NRXN1: variants seen among roughly 807,000 people sequenced by gnomAD.
The protein encoded by NRXN1 is neurexin 1, also known as neurexin-1.
A neutral mutation model predicts 150.9 loss-of-function variants in NRXN1; 39 were observed. The observed-to-expected ratio is 0.26, with a 90% confidence interval of 0.20 to 0.34. The LOEUF (loss-of-function observed/expected upper bound fraction) is 0.34, where lower values mean the gene tolerates loss of function less well. NRXN1 is among the 10% of genes least tolerant of loss of function. The pLI is 1.00. For synonymous variants in NRXN1, 924 were observed against 757.0 expected (o/e 1.22, Z -3.62); for missense variants, 1,815 against 1,949.9 (o/e 0.93, Z 1.30).
intron 5 of NRXN1, among the ~76,000 whole-genome samples, chr2:50,629,623 A>C (rs557396386): frequency 6.6e-6 from 1 of 151,788 alleles, no homozygotes; most frequent in South Asian, 2.1e-4. Flanking sequence ...TTTCAATAAA[A>C]TGTTTGAATA....
At chr2:50,706,813 T>C (rs1243059857) in intron 5 of NRXN1, among the ~76,000 whole-genome samples, 1 of 150,018 alleles carries the variant, frequency 6.7e-6, no homozygotes, top group Non-Finnish European at 1.5e-5. Flanking sequence ...TATTTGGATT[T>C]TTTTTTTTTT....
intron 5 of NRXN1, among the ~76,000 whole-genome samples, chr2:50,900,598 C>T (rs1043227101): frequency 6.6e-5 from 10 of 152,062 alleles, no homozygotes. Flanking sequence ...ATGAACAGAC[C>T]TACTTGTCAG....
intron 5 of NRXN1, among the ~76,000 whole-genome samples, chr2:50,729,857 T>G (rs1293633683): frequency 3.3e-5 from 5 of 152,342 alleles, no homozygotes; most frequent in Admixed American, 3.3e-4. Flanking sequence ...TCAAAATTTC[T>G]GTTGTTCTCT....
At chr2:50,683,646 A>AAAAAAAAAAAAAATATATATATAT in intron 5 of NRXN1, among the ~76,000 whole-genome samples, 25 of 14,888 alleles carry the variant, frequency 1.7e-3, no homozygotes, top group Admixed American at 7.6e-3. Context: ...AAAAAAAAAA[A>AAAAAAAAAAAAAATATATATATAT]ATATATATAT....
intron 12 of NRXN1, among the ~76,000 whole-genome samples, chr2:50,516,021 G>T (rs1362848523): frequency 6.6e-6 from 1 of 152,062 alleles, no homozygotes; most frequent in Non-Finnish European, 1.5e-5. Context: ...CCTCATTACA[G>T]GTTTCTATTT....
chr2:50,360,416 T>G (rs979441234), intron 17 of NRXN1, among the ~76,000 whole-genome samples: 3 of 152,008 alleles, frequency 2.0e-5, no homozygotes, highest in Non-Finnish European at 4.4e-5. Flanking sequence ...GGAGGAAGAT[T>G]TACCAAGCAA....
chr2:49,974,065 T>C, intron 21 of NRXN1: 1 of 717,308 alleles, frequency 1.4e-6, no homozygotes, highest in Middle Eastern at 2.3e-4. Flanking sequence ...TCCTAGGAAA[T>C]TTAGTCCATC....
chr2:50,257,178 G>A (rs1441187445), intron 17 of NRXN1, among the ~76,000 whole-genome samples: 2 of 152,014 alleles, frequency 1.3e-5, no homozygotes, highest in East Asian at 3.8e-4. Context: ...TGGTCACAAA[G>A]TAATGTAAAA....
chr2:50,272,234 G>C (rs1432032746), intron 17 of NRXN1, among the ~76,000 whole-genome samples: 1 of 152,166 alleles, frequency 6.6e-6, no homozygotes, highest in Non-Finnish European at 1.5e-5. Context: ...CAACCAAAGA[G>C]AAGTACATTC....
At chr2:50,897,405 T>G (rs1236053472) in intron 5 of NRXN1, among the ~76,000 whole-genome samples, 1 of 152,202 alleles carries the variant, frequency 6.6e-6, no homozygotes, top group Admixed American at 6.5e-5. Flanking sequence ...CCAACATCTA[T>G]GCTCAGAATG....
intron 17 of NRXN1, among the ~76,000 whole-genome samples, chr2:50,321,414 T>A (rs1357860790): frequency 6.6e-6 from 1 of 152,168 alleles, no homozygotes; most frequent in Non-Finnish European, 1.5e-5. Flanking sequence ...AGAAATAAAC[T>A]GCAGTTCGTG....
At chr2:49,988,967 G>T (rs1165967833) in intron 21 of NRXN1, among the ~76,000 whole-genome samples, 1 of 152,164 alleles carries the variant, frequency 6.6e-6, no homozygotes, top group Non-Finnish European at 1.5e-5. Flanking sequence ...CTGTTCATAT[G>T]CATGTACAGT....
intron 5 of NRXN1, among the ~76,000 whole-genome samples, chr2:50,900,913 A>C (rs1187824220): frequency 6.6e-6 from 1 of 152,172 alleles, no homozygotes; most frequent in Non-Finnish European, 1.5e-5. Context: ...AACTGAACTC[A>C]TATTGAATTA....
intron 8 of NRXN1, chr2:50,619,752 T>G (rs1679657589): frequency 2.4e-6 from 1 of 413,006 alleles, no homozygotes; most frequent in East Asian, 3.5e-5. Flanking sequence ...TCTTTTTGTT[T>G]GACTTTCTTT....
chr2:50,439,622 C>T (rs748123752), intron 17 of NRXN1, among the ~76,000 whole-genome samples: 2 of 151,878 alleles, frequency 1.3e-5, no homozygotes, highest in East Asian at 1.9e-4. Context: ...CTGGCTAACA[C>T]GGTGAAAACC....
At chr2:50,725,344 TA>T (rs377367298) in intron 5 of NRXN1, among the ~76,000 whole-genome samples, 4,434 of 143,782 alleles carry the variant, frequency 0.031, 89 homozygotes, top group Middle Eastern at 0.089. Context: ...TTCAACAACT[TA>T]AAAAAAAAAA....
At chr2:50,549,700 CTT>C (rs1221868222) in intron 9 of NRXN1, among the ~76,000 whole-genome samples, 2 of 152,002 alleles carry the variant, frequency 1.3e-5, no homozygotes, top group African/African-American at 4.8e-5. Context: ...TTAATAAACT[CTT>C]GGTAATTTGG....
At chr2:50,203,118 T>A (rs1388014630) in intron 18 of NRXN1, among the ~76,000 whole-genome samples, 3 of 152,142 alleles carry the variant, frequency 2.0e-5, no homozygotes, top group Non-Finnish European at 4.4e-5. Flanking sequence ...GGTGAAGAGC[T>A]AGCAAACCTA....
At chr2:50,553,207 C>A (rs559180452) in intron 8 of NRXN1, among the ~76,000 whole-genome samples, 182 bp from the exon 9 acceptor site, 2 of 152,306 alleles carry the variant, frequency 1.3e-5, no homozygotes, top group South Asian at 4.1e-4. Context: ...AGAACAATAA[C>A]CATAACAACT....
Sources: gnomAD v4.1 joint callset for allele counts (sites outside exome capture counted in the v4.1 genomes callset) on GRCh38, gnomAD v4.1.1 for gene constraint, MANE v1.5 for transcripts, NCBI Gene and HGNC (gene_info 2026-07-23, HGNC 2026-07-21) for gene names.